KTN1: variants seen among roughly 807,000 people sequenced by gnomAD.
KTN1 encodes the protein kinectin 1.
Under a neutral mutation model 222.5 loss-of-function variants are expected in KTN1, and 130 were observed. The ratio of observed to expected loss-of-function variants is 0.58; its 90% CI spans 0.51 to 0.68. The LOEUF (loss-of-function observed/expected upper bound fraction) is 0.68, where lower values mean the gene tolerates loss of function less well. KTN1 is among the 30% of genes least tolerant of loss of function. KTN1 has a pLI of 0.00. For missense variants in KTN1, 1,508 were observed against 1,500.4 expected (o/e 1.01, Z -0.08); for synonymous variants, 512 against 496.3 (o/e 1.03, Z -0.42).
At position 55,661,468 on chromosome 14, in the gene KTN1, G is replaced by T. The variant is rs1185758057; in HGVS notation, c.3000-54G>T. ...CAAATGTTGATAGGTAGGGATCTAA[G>T]TTGTATTACTGTTTACCTAAAATCT... On this transcript the variant is annotated intron_variant, in intron 31 of 43. Transcript: ENST00000395314. 5 of 897,774 alleles carry T rather than the reference G, an allele frequency of 5.6e-6. No homozygotes were observed. The African/African-American group carries it at 8.3e-5, about 15-fold the overall frequency. 55.6% of individuals were successfully genotyped at this position (897,774 alleles called of 1,614,324 possible).
chr14:55,658,677 A>G, intron 30 of KTN1, 63 bp downstream of exon 30: 1 of 926,002 alleles, frequency 1.1e-6, no homozygotes. Flanking sequence ...AACCAGTGAC[A>G]TATGAGTATT....
At chr14:55,648,944 G>T (rs2042663794) in intron 21 of KTN1, 74 bp downstream of exon 21, 1 of 1,038,718 alleles carries the variant, frequency 9.6e-7, no homozygotes, top group African/African-American at 1.6e-5. Flanking sequence ...TAAATTAAAA[G>T]AAACGGGGTC....
At chr14:55,684,019 T>C (rs1450998659) in intron 43 of KTN1, 80 bp from the exon 44 acceptor site, 18 of 1,235,160 alleles carry the variant, frequency 1.5e-5, no homozygotes, top group Non-Finnish European at 1.6e-5. Context: ...ATATGTACTT[T>C]TGGTGTTTGA....
chr14:55,617,023 A>G (rs1027104286), intron 3 of KTN1, among the ~76,000 whole-genome samples: 3 of 152,222 alleles, frequency 2.0e-5, no homozygotes, highest in African/African-American at 4.8e-5. Context: ...TAGATCTGGC[A>G]TTAGCTTACA....
At chr14:55,675,733 A>C (rs931827256) in intron 40 of KTN1, 102 bp from the exon 41 acceptor site, 5 of 738,004 alleles carry the variant, frequency 6.8e-6, no homozygotes, top group Admixed American at 4.5e-5. Context: ...ACTGTACATA[A>C]TAACTGTTAG....
At chr14:55,633,199 T>C in intron 7 of KTN1, 36 bp from the exon 8 acceptor site, 1 of 1,234,092 alleles carries the variant, frequency 8.1e-7, no homozygotes, top group Non-Finnish European at 1.1e-6. Context: ...TGACAGTCTT[T>C]GTTTTCTAAG....
chr14:55,611,978 GTTC>G, intron 1 of KTN1, 38 bp from the exon 2 acceptor site: 2 of 904,028 alleles, frequency 2.2e-6, no homozygotes, highest in Non-Finnish European at 3.1e-6. Context: ...AGACTGACAG[GTTC>G]TTTTTTTTTT....
At chr14:55,618,931 G>A (rs564740619) in intron 4 of KTN1, among the ~76,000 whole-genome samples, 192 of 152,082 alleles carry the variant, frequency 1.3e-3, no homozygotes, top group African/African-American at 4.5e-3. Context: ...TAAAGTGAGG[G>A]TATATTGGCA....
intron 3 of KTN1, 117 bp from the exon 4 acceptor site, chr14:55,617,847 T>G (rs918729549): frequency 9.2e-6 from 7 of 756,898 alleles, no homozygotes; most frequent in Non-Finnish European, 1.5e-5. Context: ...TTAAAACCAA[T>G]TTGAGCTACC....
At chr14:55,616,306 A>G (rs1047583806) in intron 2 of KTN1, among the ~76,000 whole-genome samples, 2 of 152,264 alleles carry the variant, frequency 1.3e-5, no homozygotes, top group Admixed American at 6.5e-5. Flanking sequence ...GTAGGGTTGA[A>G]AATAGCTGAG....
At chr14:55,677,292 A>G (rs2045961087) in intron 41 of KTN1, among the ~76,000 whole-genome samples, 2 of 152,088 alleles carry the variant, frequency 1.3e-5, no homozygotes, top group African/African-American at 4.8e-5. Context: ...CCTGGCCAAC[A>G]TGGTGAAACC....
intron 5 of KTN1, among the ~76,000 whole-genome samples, chr14:55,621,747 T>C (rs1193296942): frequency 6.6e-6 from 1 of 152,160 alleles, no homozygotes; most frequent in Non-Finnish European, 1.5e-5. Flanking sequence ...CCATATCATA[T>C]ATTCACACTA....
intron 1 of KTN1, among the ~76,000 whole-genome samples, chr14:55,581,520 CTG>C (rs1300420363): frequency 2.0e-5 from 3 of 151,798 alleles, no homozygotes; most frequent in Non-Finnish European, 4.4e-5. Context: ...TTGAAGTTAA[CTG>C]TTAAGGTGTG....
intron 10 of KTN1, among the ~76,000 whole-genome samples, chr14:55,636,759 A>G (rs766092061): frequency 2.6e-5 from 4 of 152,096 alleles, no homozygotes; most frequent in Non-Finnish European, 5.9e-5. Flanking sequence ...GCAAAATTAT[A>G]GTACATGATA....
intron 35 of KTN1, among the ~76,000 whole-genome samples, chr14:55,671,152 A>G (rs918164501): frequency 1.3e-5 from 2 of 152,136 alleles, no homozygotes; most frequent in Non-Finnish European, 2.9e-5. Flanking sequence ...GCATCCCCAA[A>G]TACGTCATTA....
intron 1 of KTN1, among the ~76,000 whole-genome samples, chr14:55,596,903 C>T (rs553692576): frequency 6.6e-6 from 1 of 150,732 alleles, no homozygotes; most frequent in African/African-American, 2.4e-5. Flanking sequence ...TATATCTGTA[C>T]TTTTTGATGT....
At chr14:55,619,828 C>G (rs1197739055) in intron 5 of KTN1, among the ~76,000 whole-genome samples, 1 of 152,168 alleles carries the variant, frequency 6.6e-6, no homozygotes, top group African/African-American at 2.4e-5. Context: ...TAACATTCCA[C>G]TCCAGACCCT....
chr14:55,618,473 A>G (rs895770128), intron 4 of KTN1, among the ~76,000 whole-genome samples: 2 of 152,064 alleles, frequency 1.3e-5, no homozygotes, highest in Non-Finnish European at 2.9e-5. Flanking sequence ...AGCAAAATTC[A>G]TTGGAAAGTT....
chr14:55,680,202 G>C (rs536542116), intron 43 of KTN1: 4 of 158,592 alleles, frequency 2.5e-5, no homozygotes, highest in Non-Finnish European at 4.1e-5. Flanking sequence ...TCGTTCATTA[G>C]CTCCTGAAGT....
Sources: allele counts gnomAD v4.1 joint callset (sites outside exome capture counted in the v4.1 genomes callset), GRCh38; gene constraint gnomAD v4.1.1; transcripts MANE v1.5; gene names NCBI Gene and HGNC (gene_info 2026-07-23, HGNC 2026-07-21).